Variants in IQCK observed in about 807,000 individuals in gnomAD.
IQCK encodes the protein IQ domain-containing protein K.
In IQCK, 29 loss-of-function variants were observed where a neutral mutation model predicts 28.1. The observed-to-expected ratio is 1.03, with a 90% CI of 0.77 to 1.41. IQCK has a LOEUF of 1.41. IQCK is among the 40% of genes most tolerant of loss of function. The pLI, the probability that IQCK is intolerant of heterozygous loss-of-function variation, is 0.00. For synonymous variants in IQCK, 113 were observed against 115.1 expected, an observed-to-expected ratio of 0.98 and a Z score of 0.12; for missense variants, 359 against 314.7, an observed-to-expected ratio of 1.14 and a Z score of -1.07.
At chr16:19,817,183 C>T (rs1283579883) in intron 7 of IQCK, among the ~76,000 whole-genome samples, 1 of 152,062 alleles carries the variant, frequency 6.6e-6, no homozygotes, top group African/African-American at 2.4e-5. Context: ...AATAGAGACT[C>T]CACACAGTAC....
At chr16:19,836,745 T>C (rs1476388802) in intron 9 of IQCK, among the ~76,000 whole-genome samples, 2 of 152,174 alleles carry the variant, frequency 1.3e-5, no homozygotes, top group Non-Finnish European at 2.9e-5. Flanking sequence ...ATCTCTTGAC[T>C]TTGTGATCCG....
intron 4 of IQCK, among the ~76,000 whole-genome samples, chr16:19,760,647 C>G (rs1476432491): frequency 2.6e-5 from 4 of 152,110 alleles, no homozygotes; most frequent in African/African-American, 7.2e-5. Flanking sequence ...TGATCTCCTG[C>G]TGGTCTCTCG....
chr16:19,761,674 G>A (rs779196307), intron 4 of IQCK: 14 of 282,282 alleles, frequency 5.0e-5, no homozygotes, highest in Non-Finnish European at 6.3e-5. Context: ...TAGAAGACAG[G>A]ATATCTGGTG....
intron 6 of IQCK, among the ~76,000 whole-genome samples, chr16:19,770,914 C>A (rs1302847659): frequency 6.6e-6 from 1 of 152,194 alleles, no homozygotes; most frequent in African/African-American, 2.4e-5. Context: ...TGAGCCATCT[C>A]TCCTGGCCTC....
intron 9 of IQCK, among the ~76,000 whole-genome samples, chr16:19,836,537 G>A (rs376438972): frequency 6.6e-6 from 1 of 152,150 alleles, no homozygotes; most frequent in Non-Finnish European, 1.5e-5. Context: ...AAGTTTATGC[G>A]AATGACCACT....
intron 7 of IQCK, among the ~76,000 whole-genome samples, chr16:19,802,706 C>CTAT (rs1222114206): frequency 6.6e-6 from 1 of 151,906 alleles, no homozygotes; most frequent in African/African-American, 2.4e-5. Context: ...TTTTCTGCTC[C>CTAT]TATACTTTTG....
At chr16:19,815,206 A>G (rs935693834) in intron 7 of IQCK, among the ~76,000 whole-genome samples, 7 of 152,164 alleles carry the variant, frequency 4.6e-5, no homozygotes, top group Non-Finnish European at 8.8e-5. Flanking sequence ...AATATGACAC[A>G]ACAGACTGAA....
chr16:19,804,658 G>A (rs944254291), intron 7 of IQCK, among the ~76,000 whole-genome samples: 2 of 151,946 alleles, frequency 1.3e-5, no homozygotes, highest in Admixed American at 6.6e-5. Flanking sequence ...TGAAACTCCT[G>A]AGCTCAAGCG....
chr16:19,733,885 A>G, intron 3 of IQCK, 58 bp downstream of exon 3: 1 of 1,593,538 alleles, frequency 6.3e-7, no homozygotes, highest in Non-Finnish European at 8.6e-7. Context: ...GCAGAACCAC[A>G]GGGTGGGTAT....
At chr16:19,838,292 C>T (rs533813639) in intron 9 of IQCK, among the ~76,000 whole-genome samples, 10 of 152,106 alleles carry the variant, frequency 6.6e-5, no homozygotes, top group South Asian at 4.2e-4. Flanking sequence ...AGAGTAAATC[C>T]GGAAGTTTAG....
At chr16:19,744,096 C>G (rs1397710509) in intron 4 of IQCK, among the ~76,000 whole-genome samples, 1 of 152,144 alleles carries the variant, frequency 6.6e-6, no homozygotes, top group Non-Finnish European at 1.5e-5. Context: ...CAGACCCTTT[C>G]AACCCAGGCC....
chr16:19,821,639 A>G (rs892806878), intron 7 of IQCK, among the ~76,000 whole-genome samples: 2 of 152,324 alleles, frequency 1.3e-5, no homozygotes, highest in Non-Finnish European at 2.9e-5. Flanking sequence ...GGTTGCAGTG[A>G]GGCGAGATCA....
At chr16:19,804,086 C>T (rs1193424398) in intron 7 of IQCK, among the ~76,000 whole-genome samples, 1 of 152,226 alleles carries the variant, frequency 6.6e-6, no homozygotes. Context: ...TGCGGCGGCT[C>T]ACGCCTGTAA....
intron 4 of IQCK, 55 bp from the exon 5 acceptor site, chr16:19,763,793 C>A: frequency 1.5e-6 from 2 of 1,363,964 alleles, no homozygotes; most frequent in South Asian, 1.2e-5. Context: ...CTGTGCAGTT[C>A]AAATCCATAG....
At chr16:19,855,376 G>C (rs1303446556) in intron 9 of IQCK, among the ~76,000 whole-genome samples, 1 of 152,144 alleles carries the variant, frequency 6.6e-6, no homozygotes, top group African/African-American at 2.4e-5. Flanking sequence ...TGGATCACTT[G>C]AGGCTGGGAG....
intron 1 of IQCK, among the ~76,000 whole-genome samples, chr16:19,723,332 GCTT>G (rs1357420117): frequency 1.3e-5 from 2 of 152,118 alleles, no homozygotes; most frequent in South Asian, 2.1e-4. Context: ...TAACCCTTAA[GCTT>G]CTTAACGTCC....
At chr16:19,744,359 G>C (rs575674390) in intron 4 of IQCK, among the ~76,000 whole-genome samples, 1 of 152,066 alleles carries the variant, frequency 6.6e-6, no homozygotes, top group African/African-American at 2.4e-5. Context: ...TCAAACTCCT[G>C]AGCTCAAGTG....
intron 9 of IQCK, among the ~76,000 whole-genome samples, chr16:19,855,265 G>A (rs959044150): frequency 1.3e-5 from 2 of 152,104 alleles, no homozygotes; most frequent in African/African-American, 4.8e-5. Context: ...GCTGGTCTGT[G>A]TTGCTGAAGG....
chr16:19,746,095 G>T (rs549817528), intron 4 of IQCK, among the ~76,000 whole-genome samples: 1 of 150,964 alleles, frequency 6.6e-6, no homozygotes, highest in East Asian at 1.9e-4. Flanking sequence ...CTTGAACCCA[G>T]GAGGCAGGGT....
Sources: gnomAD v4.1 joint callset for allele counts (sites outside exome capture counted in the v4.1 genomes callset) on GRCh38, gnomAD v4.1.1 for gene constraint, MANE v1.5 for transcripts, NCBI Gene and HGNC (gene_info 2026-07-23, HGNC 2026-07-21) for gene names.